Variants in TEX11 observed in about 807,000 individuals in gnomAD.
TEX11 encodes the protein testis expressed 11.
A neutral mutation model predicts 84.4 loss-of-function variants in TEX11; 7 were observed. The ratio of observed to expected loss-of-function variants is 0.08; its 90% CI spans 0.05 to 0.16. The LOEUF (loss-of-function observed/expected upper bound fraction) is 0.16. Ranked by LOEUF, TEX11 falls within the 10% of genes least tolerant of loss-of-function variation. The probability of loss-of-function intolerance (pLI) is 1.00; values close to 1 mark genes in which losing one functional copy is unlikely to be tolerated. For synonymous variants in TEX11, 264 were observed against 222.8 expected, an observed-to-expected ratio of 1.18 and a Z score of -1.64; for missense variants, 551 against 660.5, an observed-to-expected ratio of 0.83 and a Z score of 1.82.
At chrX:70,645,841 C>G (rs1451606883) in intron 17 of TEX11, among the ~76,000 whole-genome samples, 2 of 110,787 alleles carry the variant, frequency 1.8e-5, no homozygotes, top group Non-Finnish European at 3.8e-5. Context: ...AATGTCCATA[C>G]TACCCAAGGC....
chrX:70,763,014 A>G (rs946353290), intron 9 of TEX11, among the ~76,000 whole-genome samples: 29 of 112,201 alleles, frequency 2.6e-4, no homozygotes, highest in African/African-American at 9.4e-4. Context: ...AGCCTGGAAG[A>G]CAGAGCCAGA....
At chrX:70,740,449 G>C (rs768645152) in intron 11 of TEX11, among the ~76,000 whole-genome samples, 10 of 111,069 alleles carry the variant, frequency 9.0e-5, no homozygotes, top group Non-Finnish European at 1.9e-4. Flanking sequence ...TTATTTTTAC[G>C]TCCATTCTAC....
At chrX:70,589,138 A>C (rs1199787940) in intron 25 of TEX11, among the ~76,000 whole-genome samples, 1 of 110,441 alleles carries the variant, frequency 9.1e-6, no homozygotes, top group African/African-American at 3.3e-5. Flanking sequence ...TGGTCAAAAT[A>C]GCATATTTTA....
chrX:70,734,476 C>G (rs2090680820), intron 11 of TEX11, among the ~76,000 whole-genome samples: 1 of 111,233 alleles, frequency 9.0e-6, no homozygotes, highest in African/African-American at 3.3e-5. Flanking sequence ...ATTCTATTAT[C>G]TGTTTAGTAA....
intron 24 of TEX11, among the ~76,000 whole-genome samples, chrX:70,598,493 G>C (rs368650118): frequency 9.0e-6 from 1 of 111,656 alleles, no homozygotes; most frequent in Admixed American, 9.5e-5. Context: ...GTATGACCCA[G>C]CAATACCAAT....
intron 9 of TEX11, among the ~76,000 whole-genome samples, chrX:70,787,994 A>T (rs1043329674): frequency 1.8e-5 from 2 of 110,971 alleles, no homozygotes; most frequent in African/African-American, 6.5e-5. Flanking sequence ...TATACTGAAA[A>T]CTATAAACTG....
At chrX:70,581,457 C>A (rs765394871) in intron 25 of TEX11, among the ~76,000 whole-genome samples, 1 of 109,342 alleles carries the variant, frequency 9.1e-6, no homozygotes, top group Non-Finnish European at 1.9e-5. Flanking sequence ...TACCACCACA[C>A]CCGGCTAATT....
downstream of TEX11, among the ~76,000 whole-genome samples, chrX:70,525,229 G>A (rs2147919820): frequency 9.1e-6 from 1 of 110,064 alleles, no homozygotes; most frequent in African/African-American, 3.3e-5. Flanking sequence ...ATTAATTAAT[G>A]GCCGTATGTG....
chrX:70,881,189 G>A (rs1365866923), intron 2 of TEX11, among the ~76,000 whole-genome samples: 5 of 108,387 alleles, frequency 4.6e-5, no homozygotes, highest in Admixed American at 1.0e-4. Flanking sequence ...TTAGCTAGGC[G>A]TGGTGTGCCC....
chrX:70,514,915 A>G, the TEX11 span, among the ~76,000 whole-genome samples: 2 of 109,845 alleles, frequency 1.8e-5, no homozygotes, highest in Non-Finnish European at 3.8e-5. Flanking sequence ...TAAAAATACA[A>G]ATATTAGCTG....
chrX:70,814,206 A>G (rs7058880), intron 8 of TEX11, among the ~76,000 whole-genome samples: 2,235 of 111,921 alleles, frequency 0.02, 39 homozygotes, highest in African/African-American at 0.069. Flanking sequence ...AAACTATACT[A>G]CAAGGCTACA....
intron 5 of TEX11, among the ~76,000 whole-genome samples, chrX:70,856,406 A>G (rs2091536808): frequency 9.0e-6 from 1 of 110,841 alleles, no homozygotes; most frequent in Admixed American, 9.7e-5. Flanking sequence ...TTATATTTTG[A>G]AATATAAAAA....
intron 13 of TEX11, among the ~76,000 whole-genome samples, chrX:70,717,432 C>G (rs1429869439): frequency 9.1e-6 from 1 of 109,587 alleles, no homozygotes; most frequent in East Asian, 2.9e-4. Context: ...AATTCTCATG[C>G]CTCAGCCTCC....
chrX:70,854,418 A>G (rs926971944), intron 5 of TEX11, among the ~76,000 whole-genome samples: 2 of 111,422 alleles, frequency 1.8e-5, no homozygotes, highest in African/African-American at 3.3e-5. Context: ...TAAAAAAAAA[A>G]GAAAGAAAAG....
chrX:70,683,335 C>G (rs2147659478), intron 13 of TEX11, among the ~76,000 whole-genome samples: 1 of 111,941 alleles, frequency 8.9e-6, no homozygotes, highest in East Asian at 2.8e-4. Flanking sequence ...ATATTTATCC[C>G]TATTAAAATC....
chrX:70,696,506 G>T (rs1473103267), intron 13 of TEX11, among the ~76,000 whole-genome samples: 3 of 112,111 alleles, frequency 2.7e-5, no homozygotes, highest in African/African-American at 9.7e-5. Context: ...GATGGCTCAT[G>T]TCTGTAATTC....
At chrX:70,655,141 G>C (rs915513930) in intron 16 of TEX11, among the ~76,000 whole-genome samples, 1 of 111,077 alleles carries the variant, frequency 9.0e-6, no homozygotes, top group Non-Finnish European at 1.9e-5. Context: ...ATTAAATGAA[G>C]AAATAGATCA....
intron 17 of TEX11, among the ~76,000 whole-genome samples, chrX:70,630,116 T>C (rs1045528890): frequency 2.7e-4 from 30 of 110,610 alleles, no homozygotes; most frequent in Non-Finnish European, 4.7e-4. Context: ...ATCGAGACCA[T>C]CCTGGCTAAC....
chrX:70,835,120 T>A (rs73213087), intron 7 of TEX11, among the ~76,000 whole-genome samples: 1 of 111,212 alleles, frequency 9.0e-6, no homozygotes, highest in African/African-American at 3.3e-5. Context: ...ATAATATTCC[T>A]GTCTACACTA....
Sources: allele counts gnomAD v4.1 joint callset (sites outside exome capture counted in the v4.1 genomes callset), GRCh38; gene constraint gnomAD v4.1.1; transcripts MANE v1.5; gene names NCBI Gene and HGNC (gene_info 2026-07-23, HGNC 2026-07-21).